Variants in GABRR3 observed in about 807,000 individuals in gnomAD.
The protein encoded by GABRR3 is gamma-aminobutyric acid receptor subunit rho-3.
In GABRR3, 29 loss-of-function variants were observed where a neutral mutation model predicts 43.2. The observed-to-expected ratio is 0.67, with a 90% CI of 0.50 to 0.92. The LOEUF (loss-of-function observed/expected upper bound fraction) is 0.92, where lower values mean the gene tolerates loss of function less well. GABRR3 is among the 40% of genes least tolerant of loss of function. The pLI is 0.00. For synonymous variants in GABRR3, 206 were observed against 195.9 expected, an observed-to-expected ratio of 1.05 and a Z score of -0.43; for missense variants, 576 against 572.3, an observed-to-expected ratio of 1.01 and a Z score of -0.07.
chr3:98,007,106 G>T (rs928164178), intron 7 of GABRR3, among the ~76,000 whole-genome samples: 1 of 152,066 alleles, frequency 6.6e-6, no homozygotes, highest in East Asian at 1.9e-4. Context: ...TCAAATAAAC[G>T]CATAGTTCAG....
intron 8 of GABRR3, chr3:97,997,534 AAC>A (rs1706577315): frequency 6.6e-6 from 1 of 152,266 alleles, no homozygotes; most frequent in Non-Finnish European, 1.5e-5. Context: ...AGGCAATAAT[AAC>A]ACATATTTCT....
chr3:98,022,951 C>T (rs1706968606), intron 3 of GABRR3, among the ~76,000 whole-genome samples: 1 of 151,914 alleles, frequency 6.6e-6, no homozygotes, highest in African/African-American at 2.4e-5. Context: ...TTTTTCTGGA[C>T]GGGGGGAGGA....
intron 9 of GABRR3, among the ~76,000 whole-genome samples, chr3:97,991,936 A>G (rs964222355): frequency 6.6e-6 from 1 of 152,180 alleles, no homozygotes; most frequent in Non-Finnish European, 1.5e-5. Flanking sequence ...GTATATGTAT[A>G]CATATATACT....
At chr3:98,009,486 G>A (rs929973419) in intron 5 of GABRR3, among the ~76,000 whole-genome samples, 1 of 152,206 alleles carries the variant, frequency 6.6e-6, no homozygotes, top group Non-Finnish European at 1.5e-5. Flanking sequence ...AAGTTTACCC[G>A]AGGATATTCT....
chr3:97,989,544 G>T (rs912868641), intron 9 of GABRR3, among the ~76,000 whole-genome samples: 1 of 151,794 alleles, frequency 6.6e-6, no homozygotes, highest in Non-Finnish European at 1.5e-5. Context: ...GGTGGTAGGG[G>T]GGTGATGAAA....
At chr3:98,033,871 G>C (rs1707121040) in intron 2 of GABRR3, among the ~76,000 whole-genome samples, 1 of 152,124 alleles carries the variant, frequency 6.6e-6, no homozygotes, top group African/African-American at 2.4e-5. Flanking sequence ...TTTAATCGCA[G>C]TGCAGGAATC....
chr3:97,986,902 G>T (rs1435540302), exon 10 of GABRR3: 1 of 1,611,682 alleles, frequency 6.2e-7, no homozygotes, highest in East Asian at 2.2e-5. Context: ...GGGAAGTCTG[G>T]TCCATGTCAA....
chr3:98,027,052 A>G (rs534909173), intron 2 of GABRR3, among the ~76,000 whole-genome samples: 1 of 152,230 alleles, frequency 6.6e-6, no homozygotes, highest in Non-Finnish European at 1.5e-5. Context: ...ATTATATCCT[A>G]TGAATAATTG....
chr3:97,987,708 C>G (rs1275091834), intron 9 of GABRR3, among the ~76,000 whole-genome samples: 5 of 152,288 alleles, frequency 3.3e-5, no homozygotes, highest in Middle Eastern at 3.4e-3. Flanking sequence ...AGTCAGTGAA[C>G]TAATCAAGGG....
intron 2 of GABRR3, among the ~76,000 whole-genome samples, chr3:98,026,061 A>T (rs1344557596): frequency 1.3e-5 from 2 of 152,222 alleles, no homozygotes; most frequent in Non-Finnish European, 2.9e-5. Context: ...AGGGCCTAGT[A>T]ATCTGCACCT....
At chr3:97,987,602 T>G (rs1325842837) in intron 9 of GABRR3, among the ~76,000 whole-genome samples, 1 of 152,208 alleles carries the variant, frequency 6.6e-6, no homozygotes, top group Non-Finnish European at 1.5e-5. Context: ...AATTGGAGGC[T>G]GCAGAATAAA....
At chr3:98,001,803 C>G (rs1471858393) in intron 7 of GABRR3, 36 bp from the exon 8 acceptor site, 1 of 1,611,060 alleles carries the variant, frequency 6.2e-7, no homozygotes, top group Non-Finnish European at 8.5e-7. Context: ...TTAGAGCAAG[C>G]TTCCCCTTAG....
At chr3:98,013,918 G>A (rs1027707925) in intron 4 of GABRR3, among the ~76,000 whole-genome samples, 8 of 152,210 alleles carry the variant, frequency 5.3e-5, no homozygotes, top group African/African-American at 1.9e-4. Context: ...GTGCATGTCT[G>A]TGATATAGCA....
intron 2 of GABRR3, among the ~76,000 whole-genome samples, chr3:98,026,231 C>G (rs1707014648): frequency 6.6e-6 from 1 of 152,186 alleles, no homozygotes; most frequent in African/African-American, 2.4e-5. Context: ...TGAGAGCGCA[C>G]CGGGCAGAAT....
chr3:98,026,610 C>T (rs76913209), intron 2 of GABRR3, among the ~76,000 whole-genome samples: 1 of 127,198 alleles, frequency 7.9e-6, no homozygotes, highest in Admixed American at 8.3e-5. Context: ...CTGTCATCAT[C>T]ATCATCATCA....
intron 4 of GABRR3, among the ~76,000 whole-genome samples, chr3:98,013,132 T>C (rs1375163698): frequency 1.3e-5 from 2 of 152,194 alleles, no homozygotes; most frequent in Non-Finnish European, 2.9e-5. Context: ...GCTTGAGAGA[T>C]AGAAAGCATA....
At chr3:98,007,329 G>T (rs1559776943) in intron 7 of GABRR3, among the ~76,000 whole-genome samples, 1 of 152,064 alleles carries the variant, frequency 6.6e-6, no homozygotes, top group Non-Finnish European at 1.5e-5. Context: ...ATGGAATGAG[G>T]CAGGCAAGCA....
intron 3 of GABRR3, among the ~76,000 whole-genome samples, chr3:98,018,343 C>T (rs536165142): frequency 6.6e-6 from 1 of 152,180 alleles, no homozygotes; most frequent in Non-Finnish European, 1.5e-5. Context: ...TCAGCAGCAA[C>T]CACAGGCTGC....
intron 8 of GABRR3, chr3:98,001,267 C>T (rs1265399720): frequency 9.5e-6 from 2 of 210,994 alleles, no homozygotes; most frequent in Non-Finnish European, 1.9e-5. Flanking sequence ...TCCTGAAAAG[C>T]TAAATGGACT....
Sources: allele counts gnomAD v4.1 joint callset (sites outside exome capture counted in the v4.1 genomes callset), GRCh38; gene constraint gnomAD v4.1.1; transcripts MANE v1.5; gene names NCBI Gene and HGNC (gene_info 2026-07-23, HGNC 2026-07-21).